Variants in SGCA observed in about 807,000 individuals in gnomAD.
SGCA encodes alpha-sarcoglycan.
In SGCA, 34 loss-of-function variants were observed where a neutral mutation model predicts 38.1. The ratio of observed to expected loss-of-function variants is 0.89; its 90% CI spans 0.68 to 1.19. SGCA has a LOEUF of 1.19. SGCA is among the 50% of genes most tolerant of loss of function. SGCA has a pLI of 0.00. For synonymous variants in SGCA, 209 were observed against 214.6 expected (o/e 0.97, Z 0.23); for missense variants, 476 against 524.9 (o/e 0.91, Z 0.91).
chr17:50,168,212 C>T (rs567641406), intron 4 of SGCA, among the ~76,000 whole-genome samples, 162 bp from the exon 5 acceptor site: 8 of 152,146 alleles, frequency 5.3e-5, no homozygotes, highest in Non-Finnish European at 1.0e-4. Flanking sequence ...TTACTCGCTG[C>T]GTTGCAGAGA....
At chr17:50,172,623 A>G (rs1042483615) in intron 8 of SGCA, among the ~76,000 whole-genome samples, 1 of 152,194 alleles carries the variant, frequency 6.6e-6, no homozygotes, top group Non-Finnish European at 1.5e-5. Flanking sequence ...CTGGGACTAA[A>G]GCTACTGCAC....
chr17:50,173,448 TTGTC>T (rs67004890), intron 8 of SGCA, among the ~76,000 whole-genome samples: 104,804 of 151,498 alleles, frequency 0.69, 37,484 homozygotes, highest in East Asian at 0.94. Flanking sequence ...TGCCTGCCGT[TTGTC>T]TGTCTGCCCA....
intron 6 of SGCA, 158 bp downstream of exon 6, chr17:50,169,412 G>GATACACACACAC: frequency 3.0e-6 from 1 of 329,284 alleles, no homozygotes; most frequent in East Asian, 5.3e-5. Flanking sequence ...TTAGTCTGAG[G>GATACACACACAC]ATACACACAC....
chr17:50,170,515 G>A (rs1460312645), intron 7 of SGCA, 125 bp from the exon 8 acceptor site: 5 of 1,334,410 alleles, frequency 3.7e-6, no homozygotes, highest in South Asian at 1.2e-5. Context: ...CTTGAGACCT[G>A]CCTGGCCTGG....
chr17:50,173,760 A>C (rs1905676316), intron 8 of SGCA, among the ~76,000 whole-genome samples: 1 of 152,006 alleles, frequency 6.6e-6, no homozygotes, highest in Non-Finnish European at 1.5e-5. Flanking sequence ...TGAATTCCAG[A>C]CTCAAGAGCT....
At position 50,169,293 on chromosome 17, in the gene SGCA, T is replaced by C. The variant is rs776674917; in HGVS notation, c.747+39T>C. 2.6e-6 allele frequency: 4 copies of C among 1,556,228 alleles called. No homozygotes were observed. In the East Asian group the frequency reaches 9.0e-5, roughly 35 times the overall value. On this transcript the variant is annotated intron_variant, in intron 6 of 9. Transcript: ENST00000262018. The stretch of plus-strand genomic sequence containing the variant: ...CTGGGTCCGGGGGTGGGGTGGGGCA[T>C]GGCCCCCATCCCAGTCCCCCTTCCC...
At chr17:50,166,271 T>C in intron 1 of SGCA, 194 bp downstream of exon 1, 1 of 621,170 alleles carries the variant, frequency 1.6e-6, no homozygotes, top group Non-Finnish European at 2.9e-6. Context: ...GGCTCTGGGA[T>C]GAAGGGGCTG....
At chr17:50,169,726 G>A (rs1177726358) in intron 6 of SGCA, 1 of 343,674 alleles carries the variant, frequency 2.9e-6, no homozygotes, top group Non-Finnish European at 5.5e-6. Context: ...GAGGTTCACA[G>A]GATCCCACGG....
In SGCA at chr17:50,167,988, G is replaced by A. The variant is rs772233387; in HGVS notation, c.354G>A (p.Gln118=). The part of the protein sequence containing the change: ...YNRDSFDTTR[Q]RLVLEIGDPE... ...GGGACAGCTTTGATACCACTCGGCA[G>A]AGGCTGGTGCTGGAGATTGGGGACC... The change falls in exon 4 of 10, where the codon CAG becomes CAA. Residue 118 remains glutamine, a synonymous_variant. Coordinates refer to ENST00000262018, the MANE Select transcript of SGCA (RefSeq NM_000023.4). The surrounding 1 kb of genome is among the most constrained non-coding windows in gnomAD (Gnocchi z 4.5). 3.7e-6 allele frequency: 6 copies of A among 1,614,064 alleles called. No homozygotes were observed. Among genetic ancestry groups the A allele is most frequent in the Admixed American group, 1.7e-5 (1 of 60,012 alleles).
chr17:50,175,055 C>T, intron 8 of SGCA: 1 of 633,970 alleles, frequency 1.6e-6, no homozygotes, highest in Non-Finnish European at 2.9e-6. Context: ...CCTTGGCCTC[C>T]CAAAGTGCTG....
Position 50,168,734 on chromosome 17 carries a change from C to T in SGCA, c.584+162C>T, listed in dbSNP as rs190245746. ...CTCTCCTCTGGCTATACCCGCATCT[C>T]CTTGTCCTTCCAGAGCCTAGACCCT... On this transcript the variant is annotated intron_variant, in intron 5 of 9. Coordinates refer to ENST00000262018, the MANE Select transcript of SGCA (RefSeq NM_000023.4). Among the ~76,000 whole-genome samples, 564 of 152,184 alleles carry T rather than the reference C, an allele frequency of 3.7e-3. 3 individuals carry two copies. The highest frequency in any genetic ancestry group is 0.013 in the African/African-American group (528 of 41,486).
chr17:50,175,316 C>A lies in SGCA; in HGVS notation c.1043C>A (p.Ala348Glu), dbSNP rs746950050. The A allele has an allele frequency of 5.0e-6, 8 of 1,607,828 alleles. No homozygotes were observed. The highest frequency in any genetic ancestry group is 6.8e-6 in the Non-Finnish European group (8 of 1,178,150). ...AACACAGAGGAGCTGCGGCAGATGGCGGCCAGCCGCGAGGTGCCCCGGCCA... is the reference window on the plus strand; with the variant it reads ...AACACAGAGGAGCTGCGGCAGATGGAGGCCAGCCGCGAGGTGCCCCGGCCA... ...HGNTEELRQM[A>E]ASREVPRPLS... Residue 348 changes from alanine (A) to glutamate (E), a missense_variant, in exon 9 of 10, where the codon GCG (alanine) becomes GAG (glutamate). Ala to Glu is a moderately radical substitution (Grantham distance 107). Coordinates refer to ENST00000262018, the MANE Select transcript of SGCA (RefSeq NM_000023.4).
chr17:50,167,673 C>T lies in SGCA; in HGVS notation c.249C>T (p.Pro83=). The part of the protein sequence containing the change: ...PRWLRYTQRS[P]HHPGFLYGSA... ...GGCTCCGCTACACCCAGCGCAGCCC[C>T]CACCACCCTGGCTTCCTCTACGGCT... Residue 83 remains proline (P), a synonymous_variant, in exon 3 of 10, where the codon CCC becomes CCT. Coordinates refer to ENST00000262018, the MANE Select transcript of SGCA (RefSeq NM_000023.4). This position sits in a 1 kb window ranked among gnomAD's most constrained non-coding sequence, Gnocchi z 4.5. 1 of 1,613,964 alleles carries T rather than the reference C, an allele frequency of 6.2e-7. No individual in the cohort carries two copies. The highest frequency in any genetic ancestry group is 2.2e-5 in the East Asian group (1 of 44,882).
At chr17:50,166,670 A>C (rs553618895) in intron 1 of SGCA, among the ~76,000 whole-genome samples, 58 of 148,134 alleles carry the variant, frequency 3.9e-4, no homozygotes, top group African/African-American at 1.3e-3. Context: ...CCTCACACAC[A>C]CACACACCCA....
At position 50,167,835 on chromosome 17, in the gene SGCA, T is replaced by TA; in HGVS notation, c.312+100dup. 6.5e-7 allele frequency: 1 copy of TA among 1,543,778 alleles called. No homozygotes were observed. The highest frequency in any genetic ancestry group is 2.2e-5 in the East Asian group (1 of 44,464). On this transcript the variant is annotated intron_variant, in intron 3 of 9. Coordinates refer to ENST00000262018, the MANE Select transcript of SGCA (RefSeq NM_000023.4). This position sits in a 1 kb window ranked among gnomAD's most constrained non-coding sequence, Gnocchi z 4.5. ...GATTGGGTGCTCATTCACAGTCATT[T>TA]ACATATAATTTACATACCTCTAATT... is the stretch of plus-strand genomic sequence containing the variant.
Position 50,167,704 on chromosome 17 carries a change from A to G in SGCA, c.280A>G (p.Thr94Ala). Reference sequence around the variant, plus strand: ...CCCTGGCTTCCTCTACGGCTCTGCCACCCCAGAAGATCGTGGGCTCCAGGT... The same window carrying G: ...CCCTGGCTTCCTCTACGGCTCTGCCGCCCCAGAAGATCGTGGGCTCCAGGT... ...HHPGFLYGSA[T>A]PEDRGLQVIE... Residue 94 changes from threonine to alanine, a missense_variant, in exon 3 of 10, where the codon ACC (threonine) becomes GCC (alanine). Transcript: ENST00000262018. This position sits in a 1 kb window ranked among gnomAD's most constrained non-coding sequence, Gnocchi z 4.5. The G allele has an allele frequency of 6.2e-7, 1 of 1,612,658 alleles. No individual in the cohort carries two copies. Among genetic ancestry groups the G allele is most frequent in the Non-Finnish European group, 8.5e-7 (1 of 1,179,038 alleles).
In SGCA at chr17:50,167,737, G is replaced by T; in HGVS notation, c.312+1G>T. The T allele has an allele frequency of 6.2e-7, 1 of 1,607,956 alleles. No individual in the cohort carries two copies. Among genetic ancestry groups the T allele is most frequent in the Non-Finnish European group, 8.5e-7 (1 of 1,176,050 alleles). ...AGATCGTGGGCTCCAGGTCATTGAG[G>T]TGCCGTCAGGGACCCTGAGAAAATC... On this transcript the variant is annotated splice_donor_variant, in intron 3 of 9. Transcript: ENST00000262018. LOFTEE classifies it high-confidence loss of function. This position sits in a 1 kb window ranked among gnomAD's most constrained non-coding sequence, Gnocchi z 4.5.
intron 8 of SGCA, among the ~76,000 whole-genome samples, chr17:50,174,688 C>T (rs1319114893): frequency 2.0e-5 from 3 of 152,104 alleles, no homozygotes; most frequent in Non-Finnish European, 4.4e-5. Flanking sequence ...GTTGAGCAAA[C>T]TAAGGCATGG....
At chr17:50,169,894 G>A in intron 6 of SGCA, 1 of 593,246 alleles carries the variant, frequency 1.7e-6, no homozygotes. Flanking sequence ...CAGGAGACAG[G>A]TGCTACTATT....
Sources: allele counts gnomAD v4.1 joint callset (sites outside exome capture counted in the v4.1 genomes callset), GRCh38; gene constraint gnomAD v4.1.1; non-coding constraint Gnocchi (gnomAD v3.1); transcripts MANE v1.5; gene names NCBI Gene and HGNC (gene_info 2026-07-23, HGNC 2026-07-21).